The following EMG1 variants were observed in gnomAD, a reference collection of about 807,000 sequenced individuals.
EMG1 encodes the protein ribosomal RNA small subunit methyltransferase NEP1.
In EMG1, 24 loss-of-function variants were observed where a neutral mutation model predicts 26.9. That is an observed-to-expected ratio of 0.89 (90% CI 0.65 to 1.26). The LOEUF is 1.26. Ranked by LOEUF, EMG1 falls within the 50% of genes most tolerant of loss-of-function variation. The probability of loss-of-function intolerance (pLI) is 0.00; values close to 1 mark genes in which losing one functional copy is unlikely to be tolerated. For synonymous variants in EMG1, 140 were observed against 112.6 expected (o/e 1.24, Z -1.54); for missense variants, 299 against 307.6 (o/e 0.97, Z 0.21).
rs778625660 is a variant in EMG1 at position 6,977,342 on chromosome 12, G to C, written c.*1533G>C. 142 of 1,613,794 alleles carry C rather than the reference G, an allele frequency of 8.8e-5. No individual in the cohort carries two copies. Among genetic ancestry groups the C allele is most frequent in the Non-Finnish European group, 1.2e-4 (136 of 1,179,784 alleles). On this transcript the variant is annotated 3_prime_UTR_variant, in exon 6 of 6. Coordinates refer to ENST00000599672, the MANE Select transcript of EMG1 (RefSeq NM_006331.8). This position sits in a 1 kb window ranked among gnomAD's most constrained non-coding sequence, Gnocchi z 4.5. ...TTGAGGTTGCAGTGAGTCCCTCCCA[G>C]TCTCACAAGCAGGCCTTCACTTGCC...
downstream of EMG1, chr12:6,981,924 T>G: frequency 7.9e-7 from 1 of 1,273,498 alleles, no homozygotes; most frequent in Non-Finnish European, 1.1e-6. Flanking sequence ...GCAGAAGTAT[T>G]TATTCTAGCA....
At chr12:6,984,973 C>T (rs769626432) in intron 6 of EMG1, among the ~76,000 whole-genome samples, 4 of 150,998 alleles carry the variant, frequency 2.6e-5, no homozygotes, top group African/African-American at 7.3e-5. Context: ...AACTCTAAAA[C>T]GCTTAGAATA....
At chr12:6,990,576 C>G (rs1249891656), downstream of EMG1, among the ~76,000 whole-genome samples, 2 of 150,212 alleles carry the variant, frequency 1.3e-5, no homozygotes, top group African/African-American at 4.9e-5. Flanking sequence ...TTGAGCACCC[C>G]AAACAACTTT....
chr12:6,990,969 GATTA>G (rs374824154), downstream of EMG1, among the ~76,000 whole-genome samples: 1,168 of 147,736 alleles, frequency 7.9e-3, 13 homozygotes, highest in African/African-American at 0.028. Context: ...TAAAAGATAT[GATTA>G]ATTCAGTAAA....
chr12:6,974,502 G>C (rs1555152755), intron 2 of EMG1, 50 bp from the exon 3 acceptor site: 1 of 1,607,790 alleles, frequency 6.2e-7, no homozygotes, highest in Admixed American at 1.7e-5. Context: ...TGGCAGCTGA[G>C]TGCTGCCTCT....
Position 6,978,519 on chromosome 12 carries a change from TA to T in EMG1, c.*2711del. On this transcript the variant is annotated 3_prime_UTR_variant, in exon 6 of 6. Coordinates refer to ENST00000599672, the MANE Select transcript of EMG1 (RefSeq NM_006331.8). ...ATGCATACTCCTTCCTGAGAGGGAA[TA>T]GCTCAGTTAGGGCTCTTGCCACTCC... The T allele has an allele frequency of 6.2e-7, 1 of 1,611,944 alleles. No individual in the cohort carries two copies. Among genetic ancestry groups the T allele is most frequent in the Non-Finnish European group, 8.5e-7 (1 of 1,178,342 alleles).
At position 6,979,701 on chromosome 12, in the gene EMG1, A is replaced by C. The variant is rs1946449793; in HGVS notation, c.*3892A>C. 2.9e-6 allele frequency: 2 copies of C among 681,340 alleles called. No individual in the cohort carries two copies. Among genetic ancestry groups the C allele is most frequent in the African/African-American group, 1.8e-5 (1 of 55,880 alleles). The allele number at this position is 681,340 out of a possible 1,614,324, so 42.2% of individuals were successfully genotyped here. A position where few individuals can be genotyped will look rare whatever the true frequency, so the allele number is the denominator to read the frequency against. On this transcript the variant is annotated 3_prime_UTR_variant, in exon 6 of 6. Transcript: ENST00000599672. The stretch of plus-strand genomic sequence containing the variant: ...GGTTGTCTACCTGGAATGGGATGAG[A>C]AGCTCTGCTGCCCAAAGTGTTTCCT...
At chr12:6,971,693 C>T (rs1259344125) in intron 1 of EMG1, among the ~76,000 whole-genome samples, 3 of 152,196 alleles carry the variant, frequency 2.0e-5, no homozygotes, top group African/African-American at 7.2e-5. Flanking sequence ...AAGTTTCGTT[C>T]CTTGCGTCAT....
Position 6,979,764 on chromosome 12 carries a change from TG to T in EMG1, c.*3959del. The T allele has an allele frequency of 1.7e-6, 1 of 605,286 alleles. No individual in the cohort carries two copies. Among genetic ancestry groups the T allele is most frequent in the Non-Finnish European group, 3.0e-6 (1 of 338,976 alleles). The allele number at this position is 605,286 out of a possible 1,614,324, so 37.5% of individuals were successfully genotyped here. ...GATTTCTATGGCTGGCTATGAGGAATGGGGACTGCAAACCTCTTAAGAGTTG... is the reference window on the plus strand; with the variant it reads ...GATTTCTATGGCTGGCTATGAGGAATGGGACTGCAAACCTCTTAAGAGTTG... On this transcript the variant is annotated 3_prime_UTR_variant, in exon 6 of 6. Transcript: ENST00000599672.
chr12:6,980,067 A>C (rs1946454823), downstream of EMG1: 1 of 144,916 alleles, frequency 6.9e-6, no homozygotes, highest in Non-Finnish European at 1.5e-5. Flanking sequence ...TATTTTCTAG[A>C]GTCAGGGCCT....
At chr12:6,973,026 G>A (rs1490475614) in intron 1 of EMG1, among the ~76,000 whole-genome samples, 9 of 145,408 alleles carry the variant, frequency 6.2e-5, no homozygotes, top group Non-Finnish European at 1.4e-4. Context: ...TTTTTTGTGA[G>A]ACAGGGTCCC....
chr12:6,995,573 T>G (rs1403704282), intron 7 of EMG1, among the ~76,000 whole-genome samples: 1 of 152,170 alleles, frequency 6.6e-6, no homozygotes, highest in East Asian at 1.9e-4. Flanking sequence ...TCACCATCAC[T>G]GTCACCATGA....
In EMG1 at chr12:6,974,353, T is replaced by C. The variant is rs373473870; in HGVS notation, c.183T>C (p.Tyr61=). ...CTGTTCTTCAGGTAGGGAAGACATA[T>C]GAGCTACTCAACTGTGACAAGCACA... The part of the protein sequence containing the change: ...SLETVKVGKT[Y]ELLNCDKHKS... Residue 61 remains tyrosine, a synonymous_variant, in exon 2 of 6, where the codon TAT becomes TAC. Coordinates refer to ENST00000599672, the MANE Select transcript of EMG1 (RefSeq NM_006331.8). The C allele has an allele frequency of 3.1e-6, 5 of 1,612,502 alleles. No homozygotes were observed. The African/African-American group carries it at 4.0e-5, about 13-fold the overall frequency.
Position 6,979,834 on chromosome 12 carries a change from C to T in EMG1, c.*4025C>T, listed in dbSNP as rs1460284679. On this transcript the variant is annotated 3_prime_UTR_variant, in exon 6 of 6. Transcript: ENST00000599672. ...AGACAGTGGACCAGTCTTGTGTTTA[C>T]CCCTCAGGGATGCTACTGATCTCAA... 8.0e-6 allele frequency: 4 copies of T among 497,712 alleles called. No homozygotes were observed. The highest frequency in any genetic ancestry group is 7.6e-5 in the South Asian group (3 of 39,388). 30.8% of individuals were successfully genotyped at this position (497,712 alleles called of 1,614,324 possible). A position where few individuals can be genotyped will look rare whatever the true frequency, so the allele number is the denominator to read the frequency against.
downstream of EMG1, chr12:6,983,543 G>A (rs782623044): frequency 3.8e-6 from 6 of 1,566,998 alleles, no homozygotes; most frequent in Non-Finnish European, 5.3e-6. Context: ...GGGTAACCTA[G>A]ATGGGGGAAA....
At chr12:6,973,220 T>G (rs373362909) in intron 1 of EMG1, among the ~76,000 whole-genome samples, 5 of 151,970 alleles carry the variant, frequency 3.3e-5, no homozygotes, top group Non-Finnish European at 7.4e-5. Context: ...CTTGCTGGAG[T>G]GCAGTGGTAC....
At chr12:6,975,443 A>AGTAGGCATTTTAACAATGC in intron 5 of EMG1, 65 bp downstream of exon 5, 1 of 1,485,068 alleles carries the variant, frequency 6.7e-7, no homozygotes, top group Non-Finnish European at 9.1e-7. Flanking sequence ...TTCCCAGAGC[A>AGTAGGCATTTTAACAATGC]GTAGGCATTT....
At position 6,978,633 on chromosome 12, in the gene EMG1, C is replaced by T. The variant is rs782790292; in HGVS notation, c.*2824C>T. On this transcript the variant is annotated 3_prime_UTR_variant, in exon 6 of 6. Coordinates refer to ENST00000599672, the MANE Select transcript of EMG1 (RefSeq NM_006331.8). ...CCAGCCAACAGGTGACATATTTGTA[C>T]AGCACAAACTTGCCCCAGATCAGCA... 4 of 1,614,040 alleles carry T rather than the reference C, an allele frequency of 2.5e-6. No homozygotes were observed. Among genetic ancestry groups the T allele is most frequent in the Admixed American group, 1.7e-5 (1 of 60,006 alleles).
chr12:6,988,933 C>T (rs1401808985), downstream of EMG1, among the ~76,000 whole-genome samples: 1 of 151,980 alleles, frequency 6.6e-6, no homozygotes, highest in East Asian at 1.9e-4. Flanking sequence ...TTGAGACTAG[C>T]CTCAACATGG....
Sources: allele counts gnomAD v4.1 joint callset (sites outside exome capture counted in the v4.1 genomes callset), GRCh38; gene constraint gnomAD v4.1.1; non-coding constraint Gnocchi (gnomAD v3.1); transcripts MANE v1.5; gene names NCBI Gene and HGNC (gene_info 2026-07-23, HGNC 2026-07-21).